AP4S1: variants seen among roughly 807,000 people sequenced by gnomAD.
The protein encoded by AP4S1 is AP-4 complex subunit sigma-1.
Under a neutral mutation model 19.8 loss-of-function variants are expected in AP4S1, and 23 were observed. The observed-to-expected ratio is 1.16, with a 90% confidence interval of 0.84 to 1.65. The LOEUF is 1.65. Ranked by LOEUF, AP4S1 falls within the 40% of genes most tolerant of loss-of-function variation. The probability of loss-of-function intolerance (pLI) is 0.00; values close to 1 mark genes in which losing one functional copy is unlikely to be tolerated. For synonymous variants in AP4S1, 46 were observed against 54.1 expected (o/e 0.85, Z 0.66); for missense variants, 166 against 172.8 (o/e 0.96, Z 0.22).
At chr14:31,084,732 A>G (rs1285696248) in intron 5 of AP4S1, 2 of 1,613,606 alleles carry the variant, frequency 1.2e-6, no homozygotes, top group African/African-American at 2.7e-5. Context: ...GATTTATTTA[A>G]GACTTCAAAT....
intron 1 of AP4S1, among the ~76,000 whole-genome samples, chr14:31,048,862 C>T (rs1410827977): frequency 6.6e-6 from 1 of 152,160 alleles, no homozygotes; most frequent in Non-Finnish European, 1.5e-5. Context: ...GAGGAGGCTA[C>T]CACCCAACCA....
At chr14:31,076,490 G>T (rs1887365984) in intron 4 of AP4S1, among the ~76,000 whole-genome samples, 1 of 152,100 alleles carries the variant, frequency 6.6e-6, no homozygotes, top group Non-Finnish European at 1.5e-5. Flanking sequence ...CAAATCCTTT[G>T]CCCATTTTTA....
At chr14:31,055,520 G>T (rs1307911480) in intron 1 of AP4S1, among the ~76,000 whole-genome samples, 1 of 152,174 alleles carries the variant, frequency 6.6e-6, no homozygotes, top group Non-Finnish European at 1.5e-5. Context: ...AGTTCTAAAA[G>T]ATTAAGTATC....
chr14:31,061,271 A>C (rs1415289109), intron 1 of AP4S1, among the ~76,000 whole-genome samples: 1 of 152,278 alleles, frequency 6.6e-6, no homozygotes, highest in East Asian at 1.9e-4. Flanking sequence ...TGCCCACCTC[A>C]GCCTCCCAAA....
chr14:31,090,163 T>C (rs890363255), intron 5 of AP4S1, among the ~76,000 whole-genome samples: 8 of 152,136 alleles, frequency 5.3e-5, no homozygotes, highest in African/African-American at 1.9e-4. Flanking sequence ...TAATTGTATT[T>C]TTAGCTGAGA....
chr14:31,074,253 A>T (rs1056832272), intron 4 of AP4S1, among the ~76,000 whole-genome samples: 1 of 152,014 alleles, frequency 6.6e-6, no homozygotes, highest in Non-Finnish European at 1.5e-5. Context: ...TGAACCCAGG[A>T]GGCAGAGGTT....
chr14:31,086,615 C>T (rs1004209286), intron 5 of AP4S1, among the ~76,000 whole-genome samples: 9 of 152,044 alleles, frequency 5.9e-5, no homozygotes, highest in Non-Finnish European at 8.8e-5. Context: ...GGGGTTTTGC[C>T]ATGTTGGCCA....
chr14:31,058,494 T>C (rs1317965271), intron 1 of AP4S1, among the ~76,000 whole-genome samples: 4 of 151,452 alleles, frequency 2.6e-5, no homozygotes, highest in Admixed American at 2.0e-4. Context: ...TCCTTCCTGG[T>C]CATCAAAACA....
intron 4 of AP4S1, among the ~76,000 whole-genome samples, chr14:31,074,631 C>T (rs1887256302): frequency 6.6e-6 from 1 of 152,068 alleles, no homozygotes; most frequent in Non-Finnish European, 1.5e-5. Flanking sequence ...TGAGATCACG[C>T]CACTGCACTC....
chr14:31,083,402 T>C, intron 5 of AP4S1: 1 of 442,152 alleles, frequency 2.3e-6, no homozygotes, highest in Admixed American at 2.5e-5. Context: ...TATTATGTCT[T>C]TGCTCCAGGT....
At chr14:31,092,713 G>A (rs887022678) in intron 5 of AP4S1, among the ~76,000 whole-genome samples, 194 bp from the exon 6 acceptor site, 1 of 152,126 alleles carries the variant, frequency 6.6e-6, no homozygotes, top group Non-Finnish European at 1.5e-5. Context: ...TAACCAAGGT[G>A]AAACTAGGTA....
chr14:31,073,372 C>A (rs369624587), intron 4 of AP4S1, among the ~76,000 whole-genome samples: 7 of 133,460 alleles, frequency 5.2e-5, no homozygotes, highest in African/African-American at 1.8e-4. Context: ...CGCCTGTAGT[C>A]CCAGCTACTC....
At chr14:31,051,197 A>G (rs1221008112) in intron 1 of AP4S1, among the ~76,000 whole-genome samples, 1 of 151,684 alleles carries the variant, frequency 6.6e-6, no homozygotes, top group Non-Finnish European at 1.5e-5. Context: ...TCAAGGCTGC[A>G]GTGAGCCATG....
chr14:31,090,354 T>A (rs1257092049), intron 5 of AP4S1, among the ~76,000 whole-genome samples: 2 of 152,214 alleles, frequency 1.3e-5, no homozygotes, highest in East Asian at 3.9e-4. Context: ...CCTACGATGT[T>A]CAATTCCAAT....
At chr14:31,028,923 G>C (rs565667238) in intron 1 of AP4S1, among the ~76,000 whole-genome samples, 3 of 152,264 alleles carry the variant, frequency 2.0e-5, no homozygotes, top group African/African-American at 7.2e-5. Flanking sequence ...TTGTGAGAAT[G>C]GTTGACCTGA....
intron 3 of AP4S1, among the ~76,000 whole-genome samples, chr14:31,071,881 A>T (rs879304718): frequency 1.3e-5 from 2 of 149,952 alleles, no homozygotes; most frequent in Non-Finnish European, 3.0e-5. Flanking sequence ...ATACCTGGAT[A>T]TTTTTACTTT....
chr14:31,073,505 C>A lies in AP4S1; in HGVS notation c.294+532C>A, dbSNP rs1379185747. On this transcript the variant is annotated intron_variant, in intron 4 of 5. Coordinates refer to ENST00000542754, the MANE Select transcript of AP4S1 (RefSeq NM_001128126.3). ...ACTCCGTCTCAGAAAAAAAAAAAAC[C>A]CTCTTATTTGTTTTCTCCCAATTAT... Among the ~76,000 whole-genome samples, 6 of 151,204 alleles carry A rather than the reference C, an allele frequency of 4.0e-5. No individual in the cohort carries two copies. In the East Asian group the frequency reaches 9.7e-4, roughly 24 times the overall value.
chr14:31,066,770 A>G (rs916202536), intron 2 of AP4S1, among the ~76,000 whole-genome samples: 3 of 152,234 alleles, frequency 2.0e-5, no homozygotes, highest in African/African-American at 7.2e-5. Context: ...GCCAGAGGAT[A>G]ATAATATTAT....
At chr14:31,070,995 TGAGCC>T (rs1184916892) in intron 3 of AP4S1, among the ~76,000 whole-genome samples, 3 of 151,812 alleles carry the variant, frequency 2.0e-5, no homozygotes, top group African/African-American at 7.3e-5. Context: ...GAGCTTGCAG[TGAGCC>T]GAGATTGCGC....
Sources: gnomAD v4.1 joint callset for allele counts (sites outside exome capture counted in the v4.1 genomes callset) on GRCh38, gnomAD v4.1.1 for gene constraint, MANE v1.5 for transcripts, NCBI Gene and HGNC (gene_info 2026-07-23, HGNC 2026-07-21) for gene names.